GGA2: variants seen among roughly 807,000 people sequenced by gnomAD.
GGA2 encodes the protein ADP-ribosylation factor-binding protein GGA2.
GGA2 carries 48 observed loss-of-function variants against 79.5 expected under a neutral mutation model. That is an observed-to-expected ratio of 0.60 (90% confidence interval 0.48 to 0.77). The LOEUF (loss-of-function observed/expected upper bound fraction) is 0.77. GGA2 is among the 30% of genes least tolerant of loss of function. The pLI is 0.00. For synonymous variants in GGA2, 317 were observed against 302.0 expected (o/e 1.05, Z -0.51); for missense variants, 770 against 774.0 (o/e 0.99, Z 0.06).
At chr16:23,494,480 GTC>G (rs1964830273) in intron 2 of GGA2, 102 bp from the exon 3 acceptor site, 3 of 827,510 alleles carry the variant, frequency 3.6e-6, no homozygotes, top group Non-Finnish European at 6.3e-6. Flanking sequence ...AGGGGCTGGT[GTC>G]CAAAAGCAGA....
intron 7 of GGA2, 120 bp from the exon 8 acceptor site, chr16:23,486,272 A>T (rs1328805284): frequency 2.5e-6 from 2 of 814,360 alleles, no homozygotes; most frequent in Non-Finnish European, 4.0e-6. Context: ...CAGGATGTTA[A>T]GTGCATGGGA....
chr16:23,493,106 G>A (rs1964809962), intron 4 of GGA2, among the ~76,000 whole-genome samples: 1 of 152,342 alleles, frequency 6.6e-6, no homozygotes, highest in Non-Finnish European at 1.5e-5. Flanking sequence ...CCAAGCTGGA[G>A]TTCCTCATCT....
intron 14 of GGA2, among the ~76,000 whole-genome samples, chr16:23,473,138 G>A (rs1964534556): frequency 6.6e-6 from 1 of 151,486 alleles, no homozygotes; most frequent in African/African-American, 2.4e-5. Context: ...ACAACTAAGG[G>A]CATAAAAATG....
chr16:23,466,076 A>G lies in GGA2; in HGVS notation c.*1514T>C, dbSNP rs1316012224. ...TGAGTTTTTACATTTGCTTAAAATTAGCATACTTGATCTTTTACAGTTCCC... is the reference window on the plus strand; with the variant it reads ...TGAGTTTTTACATTTGCTTAAAATTGGCATACTTGATCTTTTACAGTTCCC... On this transcript the variant is annotated 3_prime_UTR_variant, in exon 17 of 17. Coordinates refer to ENST00000309859, the MANE Select transcript of GGA2 (RefSeq NM_015044.4). 1 of 152,312 alleles carries G rather than the reference A, an allele frequency of 6.6e-6. No individual in the cohort carries two copies. Among genetic ancestry groups the G allele is most frequent in the East Asian group, 1.9e-4 (1 of 5,208 alleles). 9.4% of individuals were successfully genotyped at this position (152,312 alleles called of 1,614,324 possible). A position where few individuals can be genotyped will look rare whatever the true frequency, so the allele number is the denominator to read the frequency against.
At chr16:23,469,117 C>T (rs1018158559) in intron 15 of GGA2, 121 bp from the exon 16 acceptor site, 11 of 624,766 alleles carry the variant, frequency 1.8e-5, no homozygotes, top group Non-Finnish European at 3.2e-5. Context: ...CCCTCTTAAA[C>T]GTGGTACCCC....
upstream of GGA2, among the ~76,000 whole-genome samples, chr16:23,514,403 C>G (rs759254939): frequency 6.6e-6 from 1 of 151,946 alleles, no homozygotes; most frequent in Non-Finnish European, 1.5e-5. Flanking sequence ...CCACTGTGCC[C>G]GGCCTGTAAA....
chr16:23,520,747 A>G (rs372955750), intron 1 of GGA2, among the ~76,000 whole-genome samples: 31 of 151,514 alleles, frequency 2.0e-4, no homozygotes, highest in African/African-American at 7.1e-4. Context: ...AGCACAGCAC[A>G]CTTCACTTGA....
At chr16:23,501,656 T>C (rs558557371) in intron 1 of GGA2, 4 of 215,250 alleles carry the variant, frequency 1.9e-5, no homozygotes, top group Admixed American at 1.1e-4. Context: ...GGTGCACTAA[T>C]GCCATCTTAA....
At chr16:23,504,557 T>G (rs1307823789) in intron 1 of GGA2, among the ~76,000 whole-genome samples, 1 of 152,196 alleles carries the variant, frequency 6.6e-6, no homozygotes, top group Non-Finnish European at 1.5e-5. Flanking sequence ...AATCCCAGCC[T>G]GCACAAACTA....
chr16:23,520,143 C>T (rs1045135069), intron 1 of GGA2, among the ~76,000 whole-genome samples: 1 of 151,564 alleles, frequency 6.6e-6, no homozygotes, highest in Non-Finnish European at 1.5e-5. Flanking sequence ...ATCCCAGCTA[C>T]TTGGGAGGCT....
At chr16:23,481,423 T>C (rs950786288) in intron 9 of GGA2, among the ~76,000 whole-genome samples, 5 of 152,066 alleles carry the variant, frequency 3.3e-5, no homozygotes, top group African/African-American at 1.2e-4. Context: ...TCATGGGGGA[T>C]GCCACGAGCA....
chr16:23,516,651 C>T (rs1287739297), intron 2 of GGA2, among the ~76,000 whole-genome samples: 1 of 152,116 alleles, frequency 6.6e-6, no homozygotes, highest in African/African-American at 2.4e-5. Flanking sequence ...CAACTCCTTG[C>T]CTTCATTAAT....
In GGA2 at chr16:23,475,970, C is replaced by T. The variant is rs74486558; in HGVS notation, c.1293-909G>A. On this transcript the variant is annotated intron_variant, in intron 13 of 16. Coordinates refer to ENST00000309859, the MANE Select transcript of GGA2 (RefSeq NM_015044.4). ...AAAAAACAAAAGCACTTAAAATGTCCACACATAATAAGAACCCAATAACCT... is the reference window on the plus strand; with the variant it reads ...AAAAAACAAAAGCACTTAAAATGTCTACACATAATAAGAACCCAATAACCT... Among the ~76,000 whole-genome samples, 3 of 151,814 alleles carry T rather than the reference C, an allele frequency of 2.0e-5. No homozygotes were observed. The East Asian group carries it at 5.8e-4, about 29-fold the overall frequency.
chr16:23,523,531 T>C (rs1251063182), upstream of GGA2: 2 of 152,234 alleles, frequency 1.3e-5, no homozygotes, highest in Admixed American at 1.3e-4. Flanking sequence ...GGAGTCACAC[T>C]TCTCCTTTTA....
Position 23,483,001 on chromosome 16 carries a change from C to G in GGA2, c.802G>C (p.Val268Leu), listed in dbSNP as rs547953824. Residue 268 changes from valine (V) to leucine (L), a missense_variant, in exon 9 of 17, where the codon GTG becomes CTG. Physicochemically the swap from Val to Leu is conservative, Grantham distance 32. Transcript: ENST00000309859. ...CGCAGCTTTTCACACCTCTCATACA[C>G]GACCTGAAAGAGCAGAGCTTGGTTC... ...APPDQEALQV[V>L]YERCEKLRPT... is the part of the protein sequence containing the mutation. 97 of 1,607,648 alleles carry G rather than the reference C, an allele frequency of 6.0e-5. No individual in the cohort carries two copies. Among genetic ancestry groups the G allele is most frequent in the Non-Finnish European group, 8.1e-5 (95 of 1,174,290 alleles).
chr16:23,469,164 C>T (rs190827792), intron 15 of GGA2, 168 bp from the exon 16 acceptor site: 106 of 539,932 alleles, frequency 2.0e-4, no homozygotes, highest in African/African-American at 1.7e-3. Flanking sequence ...CAGACTCCCA[C>T]TAATTGATAA....
chr16:23,470,295 T>C (rs1964494080), intron 14 of GGA2, 130 bp from the exon 15 acceptor site: 2 of 620,904 alleles, frequency 3.2e-6, no homozygotes, highest in African/African-American at 1.9e-5. Flanking sequence ...CAGGACTGAA[T>C]TCCTCTGCAC....
chr16:23,478,389 G>T lies in GGA2; in HGVS notation c.1271C>A (p.Ala424Glu), dbSNP rs1267548429. ...TCACAGAGGGCACGGAGCTGGCTGT[G>T]CTGAGAGGAGGTCCAGCAAATTCCT... The part of the protein sequence containing the change: ...ADRNLLDLLS[A>E]QPAPCPLNYV... The change falls in exon 13 of 17, where the codon GCA becomes GAA. Residue 424 changes from alanine (A) to glutamate (E), a missense_variant. Coordinates refer to ENST00000309859, the MANE Select transcript of GGA2 (RefSeq NM_015044.4). The T allele has an allele frequency of 6.2e-7, 1 of 1,606,540 alleles. No individual in the cohort carries two copies. The highest frequency in any genetic ancestry group is 8.5e-7 in the Non-Finnish European group (1 of 1,175,372).
rs976386990 is a variant in GGA2 at position 23,480,680 on chromosome 16, A to G, written c.971T>C (p.Val324Ala). Residue 324 changes from valine to alanine, a missense_variant, in exon 10 of 17, where the codon GTG (valine) becomes GCG (alanine). Physicochemically the swap from Val to Ala is moderately conservative, Grantham distance 64. Coordinates refer to ENST00000309859, the MANE Select transcript of GGA2 (RefSeq NM_015044.4). ...AGGGATGTCTCCCAATGAGCTGGTCACTCTGTTTCCAAAGGTGACCCGGCC... is the reference window on the plus strand; with the variant it reads ...AGGGATGTCTCCCAATGAGCTGGTCGCTCTGTTTCCAAAGGTGACCCGGCC... ...MEGRVTFGNRVTSSLGDIPVS... is the reference protein window; with the variant it reads ...MEGRVTFGNRATSSLGDIPVS... 6.2e-6 allele frequency: 10 copies of G among 1,613,384 alleles called. No individual in the cohort carries two copies. The highest frequency in any genetic ancestry group is 1.7e-6 in the Non-Finnish European group (2 of 1,179,468).
Sources: allele counts gnomAD v4.1 joint callset (sites outside exome capture counted in the v4.1 genomes callset), GRCh38; gene constraint gnomAD v4.1.1; transcripts MANE v1.5; gene names NCBI Gene and HGNC (gene_info 2026-07-23, HGNC 2026-07-21).